SGCZ: variants seen among roughly 807,000 people sequenced by gnomAD.
SGCZ encodes the protein sarcoglycan zeta.
In SGCZ, 40 loss-of-function variants were observed where a neutral mutation model predicts 41.3. The observed-to-expected ratio is 0.97, with a 90% CI of 0.75 to 1.26. The LOEUF (loss-of-function observed/expected upper bound fraction) is 1.26, where lower values mean the gene tolerates loss of function less well. SGCZ is among the 50% of genes most tolerant of loss of function. The pLI, the probability that SGCZ is intolerant of heterozygous loss-of-function variation, is 0.00. For synonymous variants in SGCZ, 206 were observed against 137.5 expected (o/e 1.50, Z -3.49); for missense variants, 552 against 369.8 (o/e 1.49, Z -4.04).
intron 4 of SGCZ, among the ~76,000 whole-genome samples, chr8:14,172,603 C>CA (rs1445917555): frequency 6.6e-6 from 1 of 151,828 alleles, no homozygotes; most frequent in Non-Finnish European, 1.5e-5. Context: ...AGATATTAGA[C>CA]AAAAGACAAC....
intron 1 of SGCZ, among the ~76,000 whole-genome samples, chr8:14,961,311 G>C (rs537531107): frequency 6.6e-6 from 1 of 152,086 alleles, no homozygotes; most frequent in African/African-American, 2.4e-5. Flanking sequence ...TGTAGAAACT[G>C]AACTTCTTGG....
intron 5 of SGCZ, among the ~76,000 whole-genome samples, chr8:14,146,037 T>G (rs973962684): frequency 1.1e-4 from 17 of 151,998 alleles, no homozygotes; most frequent in African/African-American, 3.6e-4. Flanking sequence ...AAAAGGACAA[T>G]AACAGAGAAG....
intron 1 of SGCZ, among the ~76,000 whole-genome samples, chr8:14,976,675 C>A (rs2130873089): frequency 6.6e-6 from 1 of 152,248 alleles, no homozygotes; most frequent in African/African-American, 2.4e-5. Context: ...CAATAAAAAG[C>A]ACAGCATAGA....
chr8:14,298,577 A>T (rs1041429528), intron 3 of SGCZ, among the ~76,000 whole-genome samples: 1 of 152,004 alleles, frequency 6.6e-6, no homozygotes, highest in African/African-American at 2.4e-5. Flanking sequence ...TAAACTTAAT[A>T]CCATTTATTA....
chr8:14,664,968 T>G (rs1807861567), intron 1 of SGCZ, among the ~76,000 whole-genome samples: 1 of 152,170 alleles, frequency 6.6e-6, no homozygotes. Flanking sequence ...AAGCTATTTG[T>G]GAAATACCAT....
chr8:14,179,881 G>T (rs1554473080), intron 4 of SGCZ, among the ~76,000 whole-genome samples: 1 of 151,704 alleles, frequency 6.6e-6, no homozygotes, highest in Non-Finnish European at 1.5e-5. Context: ...AATAAAAAGT[G>T]AAAAAAAATC....
In SGCZ at chr8:14,943,374, C is replaced by T. The variant is rs543078664; in HGVS notation, c.39+294211G>A. Among the ~76,000 whole-genome samples the T allele has an allele frequency of 4.6e-5, 7 of 152,264 alleles. No individual in the cohort carries two copies. In the East Asian group the frequency reaches 1.4e-3, roughly 29 times the overall value. On this transcript the variant is annotated intron_variant, in intron 1 of 7. Transcript: ENST00000382080. ...ACTGTCAAACAGGGTCAAAAAGGCA[C>T]TAAGTACCTTGTATTCTGAGTGGAG...
At chr8:14,589,396 A>T (rs1805169915) in intron 1 of SGCZ, among the ~76,000 whole-genome samples, 1 of 152,024 alleles carries the variant, frequency 6.6e-6, no homozygotes, top group Non-Finnish European at 1.5e-5. Context: ...CTGAGTTAGA[A>T]CTCATTTCCT....
At chr8:15,172,403 G>C (rs983313139) in intron 1 of SGCZ, among the ~76,000 whole-genome samples, 1 of 151,458 alleles carries the variant, frequency 6.6e-6, no homozygotes, top group Non-Finnish European at 1.5e-5. Flanking sequence ...CTCGTGATCT[G>C]CCCGTCTCGG....
intron 2 of SGCZ, among the ~76,000 whole-genome samples, chr8:14,441,958 A>G (rs1800283715): frequency 6.6e-6 from 1 of 152,194 alleles, no homozygotes; most frequent in African/African-American, 2.4e-5. Context: ...AAATTGTTCT[A>G]TGTAACCAGG....
intron 1 of SGCZ, among the ~76,000 whole-genome samples, chr8:15,158,137 T>C (rs908109466): frequency 7.9e-5 from 12 of 151,132 alleles, no homozygotes; most frequent in Non-Finnish European, 1.5e-4. Flanking sequence ...CTCTACTCCA[T>C]CTCTTATCAC....
At chr8:14,127,882 A>T (rs1167903701) in intron 5 of SGCZ, among the ~76,000 whole-genome samples, 2 of 152,094 alleles carry the variant, frequency 1.3e-5, no homozygotes, top group Non-Finnish European at 2.9e-5. Context: ...TAAGCCCAGT[A>T]CCCGATAATT....
chr8:14,230,768 G>GT (rs1262435232), intron 4 of SGCZ, among the ~76,000 whole-genome samples: 5 of 149,136 alleles, frequency 3.4e-5, no homozygotes, highest in Non-Finnish European at 6.0e-5. Flanking sequence ...GGTGGTGGTG[G>GT]GGGGGTGGTT....
At chr8:14,555,405 T>C (rs113271227) in intron 1 of SGCZ, among the ~76,000 whole-genome samples, 6 of 152,078 alleles carry the variant, frequency 3.9e-5, no homozygotes, top group African/African-American at 1.4e-4. Flanking sequence ...AGAGTTCTCA[T>C]GGGACGTGGT....
At chr8:14,636,687 G>A (rs1248660987) in intron 1 of SGCZ, among the ~76,000 whole-genome samples, 1 of 150,732 alleles carries the variant, frequency 6.6e-6, no homozygotes, top group African/African-American at 2.4e-5. Flanking sequence ...CAGGAAGGAA[G>A]GCATATATAG....
intron 1 of SGCZ, among the ~76,000 whole-genome samples, chr8:15,037,665 G>A (rs970045848): frequency 6.6e-6 from 1 of 152,142 alleles, no homozygotes; most frequent in Non-Finnish European, 1.5e-5. Context: ...ATTCAAATTG[G>A]AAAGTAAGAA....
intron 1 of SGCZ, among the ~76,000 whole-genome samples, chr8:14,687,962 T>C (rs972079130): frequency 6.6e-6 from 1 of 152,238 alleles, no homozygotes; most frequent in African/African-American, 2.4e-5. Flanking sequence ...TGAGCATTTT[T>C]TCATGTGTTT....
intron 1 of SGCZ, among the ~76,000 whole-genome samples, chr8:14,782,231 A>C (rs1585255646): frequency 1.3e-5 from 2 of 152,352 alleles, no homozygotes; most frequent in East Asian, 1.9e-4. Context: ...TCCTTAATAT[A>C]AAGTAATATG....
At chr8:14,653,968 A>G (rs184981425) in intron 1 of SGCZ, among the ~76,000 whole-genome samples, 83 of 152,276 alleles carry the variant, frequency 5.5e-4, no homozygotes, top group African/African-American at 1.9e-3. Flanking sequence ...AATGCAGATG[A>G]CTATAAACTT....
Sources: gnomAD v4.1 joint callset for allele counts (sites outside exome capture counted in the v4.1 genomes callset) on GRCh38, gnomAD v4.1.1 for gene constraint, MANE v1.5 for transcripts, NCBI Gene and HGNC (gene_info 2026-07-23, HGNC 2026-07-21) for gene names.